Variants in CNTNAP2 observed in about 807,000 individuals in gnomAD.
CNTNAP2 encodes contactin associated protein 2, also known as contactin-associated protein-like 2.
Under a neutral mutation model 155.2 loss-of-function variants are expected in CNTNAP2, and 98 were observed. The observed-to-expected ratio is 0.63, with a 90% CI of 0.54 to 0.75. The LOEUF is 0.75. Among genes scored for constraint, CNTNAP2 ranks in the 30% least tolerant of loss-of-function variants. The pLI, the probability that CNTNAP2 is intolerant of heterozygous loss-of-function variation, is 0.00. For synonymous variants in CNTNAP2, 651 were observed against 631.2 expected (o/e 1.03, Z -0.47); for missense variants, 1,727 against 1,688.1 (o/e 1.02, Z -0.40).
At chr7:146,218,928 AT>A (rs1462425833) in intron 1 of CNTNAP2, among the ~76,000 whole-genome samples, 1 of 152,146 alleles carries the variant, frequency 6.6e-6, no homozygotes, top group Non-Finnish European at 1.5e-5. Context: ...ATGTAAGTGT[AT>A]TAGTCCATTT....
In CNTNAP2 at chr7:148,401,678, A is replaced by T. The variant is rs185230100; in HGVS notation, c.3716-7713A>T. Among the ~76,000 whole-genome samples, 802 of 151,914 alleles carry T rather than the reference A, an allele frequency of 5.3e-3. 7 individuals carry two copies. Among genetic ancestry groups the T allele is most frequent in the African/African-American group, 0.018 (736 of 41,448 alleles). ...CAGTGGCACAATCTCGGCTCACTGC[A>T]ATCTCCGCTTCCCGGGTTCATGCTA... is the stretch of plus-strand genomic sequence containing the variant. On this transcript the variant is annotated intron_variant, in intron 22 of 23. Transcript: ENST00000361727.
intron 3 of CNTNAP2, among the ~76,000 whole-genome samples, chr7:146,880,398 G>T (rs982902015): frequency 6.6e-6 from 1 of 151,888 alleles, no homozygotes; most frequent in Non-Finnish European, 1.5e-5. Context: ...CTAGGAACCT[G>T]ACCATGCTGG....
intron 1 of CNTNAP2, among the ~76,000 whole-genome samples, chr7:146,323,967 G>A (rs1377849698): frequency 1.3e-5 from 2 of 152,120 alleles, no homozygotes; most frequent in African/African-American, 2.4e-5. Context: ...TTTGTCTCAA[G>A]TATTTATTTC....
chr7:146,459,345 G>GTCT (rs35396327), intron 1 of CNTNAP2, among the ~76,000 whole-genome samples: 1 of 152,148 alleles, frequency 6.6e-6, no homozygotes, highest in Non-Finnish European at 1.5e-5. Flanking sequence ...CCAGTCATGT[G>GTCT]ATATTAGCTC....
chr7:146,609,826 G>A (rs1799105477), intron 1 of CNTNAP2, among the ~76,000 whole-genome samples: 1 of 152,158 alleles, frequency 6.6e-6, no homozygotes, highest in African/African-American at 2.4e-5. Flanking sequence ...ATTCTAGATA[G>A]TATAGGAATC....
chr7:146,398,184 C>CTTTTTTTTTTTTTTTTTTTT (rs34144986), intron 1 of CNTNAP2, among the ~76,000 whole-genome samples: 1 of 107,052 alleles, frequency 9.3e-6, no homozygotes, highest in African/African-American at 4.1e-5. Flanking sequence ...CGGCCCCAAA[C>CTTTTTTTTTTTTTTTTTTTT]TTTTTTTTTT....
chr7:146,976,077 C>T (rs1444268197), intron 3 of CNTNAP2, among the ~76,000 whole-genome samples: 1 of 152,178 alleles, frequency 6.6e-6, no homozygotes, highest in East Asian at 1.9e-4. Context: ...CCTTAAAATA[C>T]AATTTGAAAT....
intron 5 of CNTNAP2, among the ~76,000 whole-genome samples, chr7:147,119,159 G>A (rs1348714278): frequency 6.6e-6 from 1 of 152,080 alleles, no homozygotes; most frequent in Non-Finnish European, 1.5e-5. Context: ...CACACACACT[G>A]CAGTTGAATT....
chr7:146,218,074 C>T (rs1441278931), intron 1 of CNTNAP2, among the ~76,000 whole-genome samples: 2 of 152,126 alleles, frequency 1.3e-5, no homozygotes, highest in Non-Finnish European at 2.9e-5. Context: ...GTGTGCTATC[C>T]TCCCACCTCT....
At chr7:146,745,295 A>C (rs1801790178) in intron 1 of CNTNAP2, among the ~76,000 whole-genome samples, 1 of 152,132 alleles carries the variant, frequency 6.6e-6, no homozygotes, top group Non-Finnish European at 1.5e-5. Flanking sequence ...TAGAGCTTTA[A>C]ATTTATTATC....
intron 18 of CNTNAP2, among the ~76,000 whole-genome samples, chr7:148,174,551 G>C (rs1358542008): frequency 6.6e-6 from 1 of 152,222 alleles, no homozygotes; most frequent in Non-Finnish European, 1.5e-5. Context: ...TATGCTTGCA[G>C]ATGTGGAAAA....
At chr7:148,152,047 G>A (rs1365818195) in intron 17 of CNTNAP2, among the ~76,000 whole-genome samples, 1 of 152,106 alleles carries the variant, frequency 6.6e-6, no homozygotes. Flanking sequence ...AATAGTTCTT[G>A]GCTTTGCACA....
chr7:146,862,092 A>G (rs1795113168), intron 3 of CNTNAP2, among the ~76,000 whole-genome samples: 1 of 152,170 alleles, frequency 6.6e-6, no homozygotes, highest in African/African-American at 2.4e-5. Context: ...AAAATGATAG[A>G]TGCAGGCGCG....
At chr7:147,117,109 G>C (rs976226642) in intron 5 of CNTNAP2, among the ~76,000 whole-genome samples, 12 of 152,114 alleles carry the variant, frequency 7.9e-5, no homozygotes, top group African/African-American at 2.9e-4. Flanking sequence ...CGGCTCCCTG[G>C]ATTCTGCCCC....
intron 13 of CNTNAP2, among the ~76,000 whole-genome samples, chr7:147,657,144 T>G (rs987754440): frequency 6.6e-6 from 1 of 152,234 alleles, no homozygotes; most frequent in African/African-American, 2.4e-5. Context: ...ACAGAGCTTA[T>G]TTGAAAAGCA....
At chr7:147,742,103 C>A (rs1408493073) in intron 13 of CNTNAP2, among the ~76,000 whole-genome samples, 1 of 152,090 alleles carries the variant, frequency 6.6e-6, no homozygotes, top group South Asian at 2.1e-4. Flanking sequence ...TTCACTATCA[C>A]AAAAATAGCC....
chr7:147,551,025 G>A (rs1377921700), intron 11 of CNTNAP2, among the ~76,000 whole-genome samples: 1 of 152,088 alleles, frequency 6.6e-6, no homozygotes, highest in Admixed American at 6.6e-5. Context: ...CATACACCAG[G>A]CACTGTGCTA....
chr7:147,336,404 C>T (rs1397145240), intron 9 of CNTNAP2, among the ~76,000 whole-genome samples: 1 of 152,132 alleles, frequency 6.6e-6, no homozygotes, highest in South Asian at 2.1e-4. Context: ...AGTTTAAGCA[C>T]AGCTATATGC....
rs547013996 is a variant in CNTNAP2, at chr7:148,395,676, C to T, written c.3715+11788C>T. Among the ~76,000 whole-genome samples, 10 of 152,154 alleles carry T rather than the reference C, an allele frequency of 6.6e-5. 1 individual carries two copies. Among genetic ancestry groups the T allele is most frequent in the Non-Finnish European group, 1.2e-4 (8 of 68,028 alleles). ...GCAGCAGGGTTGGATTCCCCTTCAG[C>T]ATCGAACACCTCACAGGCCATCCTC... is the stretch of plus-strand genomic sequence containing the variant. On this transcript the variant is annotated intron_variant, in intron 22 of 23. Coordinates refer to ENST00000361727, the MANE Select transcript of CNTNAP2 (RefSeq NM_014141.6).
Sources: allele counts gnomAD v4.1 joint callset (sites outside exome capture counted in the v4.1 genomes callset), GRCh38; gene constraint gnomAD v4.1.1; transcripts MANE v1.5; gene names NCBI Gene and HGNC (gene_info 2026-07-23, HGNC 2026-07-21).